Variants in RPS6KA2 observed in about 807,000 individuals in gnomAD.
RPS6KA2 encodes the protein ribosomal protein S6 kinase alpha-2.
RPS6KA2 carries 42 observed loss-of-function variants against 91.8 expected under a neutral mutation model. That is an observed-to-expected ratio of 0.46 (90% CI 0.36 to 0.59). The LOEUF (loss-of-function observed/expected upper bound fraction) is 0.59, where lower values mean the gene tolerates loss of function less well. Among genes scored for constraint, RPS6KA2 ranks in the 20% least tolerant of loss-of-function variants. The probability of loss-of-function intolerance (pLI) is 0.00; values close to 1 mark genes in which losing one functional copy is unlikely to be tolerated. For synonymous variants in RPS6KA2, 414 were observed against 393.6 expected, an observed-to-expected ratio of 1.05 and a Z score of -0.61; for missense variants, 798 against 978.5, an observed-to-expected ratio of 0.82 and a Z score of 2.46.
chr6:166,798,254 G>A (rs929530634), intron 2 of RPS6KA2, among the ~76,000 whole-genome samples: 1 of 152,176 alleles, frequency 6.6e-6, no homozygotes, highest in Non-Finnish European at 1.5e-5. Flanking sequence ...TCCTTGCTGT[G>A]TCCATTCTGT....
chr6:166,579,029 T>A (rs1412793619), intron 1 of RPS6KA2, among the ~76,000 whole-genome samples: 1 of 152,170 alleles, frequency 6.6e-6, no homozygotes, highest in Non-Finnish European at 1.5e-5. Flanking sequence ...AAACAGTAAG[T>A]CTGATGTCGA....
At chr6:166,813,083 T>C (rs915292151) in intron 2 of RPS6KA2, among the ~76,000 whole-genome samples, 1 of 152,134 alleles carries the variant, frequency 6.6e-6, no homozygotes, top group Non-Finnish European at 1.5e-5. Context: ...TGAGAGGCAC[T>C]GCTTCTCACC....
chr6:166,640,439 G>GCC (rs1787393167), intron 2 of RPS6KA2, among the ~76,000 whole-genome samples: 1 of 152,218 alleles, frequency 6.6e-6, no homozygotes, highest in African/African-American at 2.4e-5. Context: ...CCGTGTGGCA[G>GCC]CCCCGGGAGA....
At chr6:166,744,568 C>T (rs1790924903) in intron 2 of RPS6KA2, among the ~76,000 whole-genome samples, 1 of 152,210 alleles carries the variant, frequency 6.6e-6, no homozygotes, top group African/African-American at 2.4e-5. Flanking sequence ...GCAGCAGGGC[C>T]CAGGCTGGAG....
At chr6:166,728,269 C>T (rs565494678) in intron 2 of RPS6KA2, among the ~76,000 whole-genome samples, 8 of 152,276 alleles carry the variant, frequency 5.3e-5, no homozygotes, top group African/African-American at 1.9e-4. Context: ...TTCAGAACAA[C>T]GTTCCCAGGC....
intron 2 of RPS6KA2, among the ~76,000 whole-genome samples, chr6:166,802,034 G>A (rs1779379666): frequency 6.6e-6 from 1 of 152,110 alleles, no homozygotes; most frequent in African/African-American, 2.4e-5. Context: ...GAGGCAGGCG[G>A]ATCATGAGGT....
chr6:166,709,482 T>C (rs939068943), intron 2 of RPS6KA2, among the ~76,000 whole-genome samples: 4 of 152,050 alleles, frequency 2.6e-5, no homozygotes, highest in African/African-American at 9.7e-5. Flanking sequence ...AATAAATAAA[T>C]AAACACATGA....
intron 10 of RPS6KA2, among the ~76,000 whole-genome samples, chr6:166,480,035 T>G (rs1021362261): frequency 3.9e-5 from 6 of 152,140 alleles, no homozygotes; most frequent in Non-Finnish European, 5.9e-5. Context: ...AGCTTCCATA[T>G]CTCTCTGTGC....
In RPS6KA2 at chr6:166,712,846, G is replaced by A. The variant is rs541077797; in HGVS notation, c.123+145354C>T. On this transcript the variant is annotated intron_variant, in intron 2 of 21. Coordinates refer to the RPS6KA2 transcript ENST00000503859. ...ACCCGAGGAGCTGCTGAAACACAGC[G>A]TCTATCCCGAGCTTTCTCTTCCTTA... Among the ~76,000 whole-genome samples the A allele has an allele frequency of 1.6e-4, 25 of 152,342 alleles. No homozygotes were observed. The South Asian group carries it at 3.5e-3, about 21-fold the overall frequency.
At chr6:166,764,773 G>A (rs752126761) in intron 2 of RPS6KA2, among the ~76,000 whole-genome samples, 3 of 152,224 alleles carry the variant, frequency 2.0e-5, no homozygotes, top group Non-Finnish European at 2.9e-5. Flanking sequence ...AGCGGCCACC[G>A]CGGTGACACC....
chr6:166,647,374 TG>T (rs1180345073), intron 2 of RPS6KA2, among the ~76,000 whole-genome samples: 2 of 152,166 alleles, frequency 1.3e-5, no homozygotes, highest in African/African-American at 4.8e-5. Flanking sequence ...CATCTCTTCT[TG>T]CCGGGTTAGT....
chr6:166,545,471 C>CTAA (rs1283265834), intron 1 of RPS6KA2, among the ~76,000 whole-genome samples: 2 of 152,156 alleles, frequency 1.3e-5, no homozygotes, highest in Non-Finnish European at 2.9e-5. Flanking sequence ...TGAGGCTGGG[C>CTAA]TAATGTAAGG....
chr6:166,729,059 A>T (rs1374301094), intron 2 of RPS6KA2, among the ~76,000 whole-genome samples: 1 of 152,196 alleles, frequency 6.6e-6, no homozygotes. Context: ...GGGCCACCCC[A>T]CAGCAGGTGT....
intron 1 of RPS6KA2, among the ~76,000 whole-genome samples, chr6:166,620,980 C>G (rs1185564271): frequency 1.3e-5 from 2 of 152,184 alleles, no homozygotes; most frequent in Non-Finnish European, 2.9e-5. Flanking sequence ...GGGACACCAC[C>G]TGCTCCATGC....
At chr6:166,796,851 C>T (rs768442505) in intron 2 of RPS6KA2, among the ~76,000 whole-genome samples, 4 of 151,616 alleles carry the variant, frequency 2.6e-5, no homozygotes, top group Non-Finnish European at 4.4e-5. Context: ...ACGAGTCACT[C>T]GCAACTGCAC....
intron 2 of RPS6KA2, chr6:166,701,097 C>A: frequency 6.2e-7 from 1 of 1,607,918 alleles, no homozygotes; most frequent in Middle Eastern, 2.3e-4. Flanking sequence ...CTGAGCCTTA[C>A]TTCCGTCTTG....
At position 166,553,571 on chromosome 6, in the gene RPS6KA2, C is replaced by A. The variant is rs563221850; in HGVS notation, c.100-14787G>T. ...GTTCCCAAGTAGCAAACTGACTGGGCAGAGTGGGAAGGACTCAGAGACAAC... is the reference window on the plus strand; with the variant it reads ...GTTCCCAAGTAGCAAACTGACTGGGAAGAGTGGGAAGGACTCAGAGACAAC... On this transcript the variant is annotated intron_variant, in intron 1 of 20. Coordinates refer to ENST00000265678, the MANE Select transcript of RPS6KA2 (RefSeq NM_021135.6). Among the ~76,000 whole-genome samples the A allele has an allele frequency of 1.8e-3, 269 of 150,694 alleles. 1 individual carries two copies. The highest frequency in any genetic ancestry group is 6.3e-3 in the African/African-American group (258 of 40,882).
chr6:166,591,917 C>T (rs888608727), intron 1 of RPS6KA2, among the ~76,000 whole-genome samples: 4 of 152,180 alleles, frequency 2.6e-5, no homozygotes, highest in South Asian at 2.1e-4. Context: ...AAACCCAAGC[C>T]GGCCCACACT....
chr6:166,836,824 G>A (rs1037941062), intron 2 of RPS6KA2, among the ~76,000 whole-genome samples: 4 of 152,190 alleles, frequency 2.6e-5, no homozygotes, highest in African/African-American at 9.7e-5. Context: ...AGCAAAGGCC[G>A]AGATGACTTT....
Sources: allele counts gnomAD v4.1 joint callset (sites outside exome capture counted in the v4.1 genomes callset), GRCh38; gene constraint gnomAD v4.1.1; transcripts MANE v1.5; gene names NCBI Gene and HGNC (gene_info 2026-07-23, HGNC 2026-07-21).